PHLPP1: variants seen among roughly 807,000 people sequenced by gnomAD.
PHLPP1 encodes the protein PH domain and leucine rich repeat protein phosphatase 1.
Under a neutral mutation model 117.2 loss-of-function variants are expected in PHLPP1, and 42 were observed. The ratio of observed to expected loss-of-function variants is 0.36; its 90% CI spans 0.28 to 0.46. The LOEUF is 0.46. Among genes scored for constraint, PHLPP1 ranks in the 20% least tolerant of loss-of-function variants. PHLPP1 has a pLI of 1.00. For synonymous variants in PHLPP1, 1,042 were observed against 970.7 expected, an observed-to-expected ratio of 1.07 and a Z score of -1.37; for missense variants, 2,084 against 2,241.9, an observed-to-expected ratio of 0.93 and a Z score of 1.42.
chr18:62,736,986 T>G (rs539813357), intron 1 of PHLPP1, among the ~76,000 whole-genome samples: 57 of 152,330 alleles, frequency 3.7e-4, no homozygotes, highest in African/African-American at 1.4e-3. Context: ...ATGAAGCTCT[T>G]AGGATGTATG....
chr18:62,776,663 G>A (rs1446807587), intron 1 of PHLPP1, among the ~76,000 whole-genome samples: 1 of 149,166 alleles, frequency 6.7e-6, no homozygotes, highest in East Asian at 2.0e-4. Flanking sequence ...AGGCTGAAGT[G>A]CAGTGGTGTG....
Position 62,848,132 on chromosome 18 carries a change from A to T in PHLPP1, c.1899+9223A>T, listed in dbSNP as rs117050210. On this transcript the variant is annotated intron_variant, in intron 3 of 16. Transcript: ENST00000262719. ...ATTTGTTGACATCCTTGCAGATCTC[A>T]TCTGATCAGCACAGAGTATGTGACC... Among the ~76,000 whole-genome samples, 1,430 of 152,252 alleles carry T rather than the reference A, an allele frequency of 9.4e-3. 17 individuals carry two copies. The highest frequency in any genetic ancestry group is 0.013 in the Non-Finnish European group (915 of 68,014).
chr18:62,789,513 C>T (rs1913395368), intron 1 of PHLPP1, among the ~76,000 whole-genome samples: 1 of 152,036 alleles, frequency 6.6e-6, no homozygotes, highest in Non-Finnish European at 1.5e-5. Flanking sequence ...ATATTGTTTG[C>T]AGAGGTGAAA....
intron 1 of PHLPP1, among the ~76,000 whole-genome samples, chr18:62,828,678 G>A (rs1914675183): frequency 1.3e-5 from 2 of 152,142 alleles, no homozygotes; most frequent in Admixed American, 6.6e-5. Flanking sequence ...TTTTAGAGCT[G>A]TTGTTCTTCC....
chr18:62,935,533 A>G (rs73963629), intron 10 of PHLPP1, among the ~76,000 whole-genome samples: 5,412 of 152,294 alleles, frequency 0.036, 334 homozygotes, highest in African/African-American at 0.12. Flanking sequence ...TACTGTTCAT[A>G]TGGTTAAAAG....
At chr18:62,879,600 AG>A (rs1473186422) in intron 4 of PHLPP1, among the ~76,000 whole-genome samples, 1 of 152,164 alleles carries the variant, frequency 6.6e-6, no homozygotes, top group Non-Finnish European at 1.5e-5. Flanking sequence ...TTTAGTAGAC[AG>A]GGTTCACCGT....
intron 4 of PHLPP1, among the ~76,000 whole-genome samples, chr18:62,864,744 C>A (rs991567280): frequency 1.3e-5 from 2 of 152,190 alleles, no homozygotes; most frequent in African/African-American, 4.8e-5. Flanking sequence ...AGTACCTGCC[C>A]AGAATTAGAA....
intron 9 of PHLPP1, among the ~76,000 whole-genome samples, chr18:62,917,396 TTGTGTGTGTG>T (rs34407573): frequency 4.5e-4 from 64 of 141,492 alleles, no homozygotes; most frequent in Admixed American, 1.3e-3. Context: ...ACAGTATTCT[TTGTGTGTGTG>T]TGTGTGTGTG....
chr18:62,824,740 G>A (rs1050179982), intron 1 of PHLPP1, among the ~76,000 whole-genome samples: 8 of 151,998 alleles, frequency 5.3e-5, no homozygotes, highest in African/African-American at 1.9e-4. Context: ...TCACAAAACA[G>A]TGACTTTTTG....
In PHLPP1 at chr18:62,830,200, A is replaced by G. The variant is rs767958298; in HGVS notation, c.1742A>G (p.Lys581Arg). 4.5e-6 allele frequency: 7 copies of G among 1,569,088 alleles called. No homozygotes were observed. The highest frequency in any genetic ancestry group is 1.2e-5 in the South Asian group (1 of 85,678). The change falls in exon 2 of 17, where the codon AAG becomes AGG. Residue 581 changes from lysine (K) to arginine (R), a missense_variant. By Grantham distance (26) the Lys-to-Arg change is conservative (BLOSUM62 2). Transcript: ENST00000262719. ...TCTGTGAAAGACAGCTTGACCGGAA[A>G]GATGCATGTTCTGCCACTAATTGGT... ...VSSVKDSLTG[K>R]MHVLPLIGGK...
At chr18:62,902,684 A>G (rs987457022) in intron 6 of PHLPP1, among the ~76,000 whole-genome samples, 2 of 152,168 alleles carry the variant, frequency 1.3e-5, no homozygotes, top group Admixed American at 6.5e-5. Flanking sequence ...TTCCCTCTTG[A>G]AGTGAATTAA....
chr18:62,861,181 C>T (rs1478099462), intron 4 of PHLPP1, among the ~76,000 whole-genome samples: 1 of 152,096 alleles, frequency 6.6e-6, no homozygotes, highest in African/African-American at 2.4e-5. Flanking sequence ...ATGATCTCGG[C>T]TCACTGCAAC....
intron 4 of PHLPP1, among the ~76,000 whole-genome samples, chr18:62,876,222 TA>T (rs568347726): frequency 2.0e-5 from 3 of 151,656 alleles, no homozygotes; most frequent in South Asian, 2.1e-4. Flanking sequence ...ACTGGACTTC[TA>T]AAAAAAAATC....
chr18:62,739,342 A>G (rs1911456308), intron 1 of PHLPP1, among the ~76,000 whole-genome samples: 1 of 152,234 alleles, frequency 6.6e-6, no homozygotes, highest in Non-Finnish European at 1.5e-5. Context: ...GTTAGCTGGC[A>G]AAGCTAATTT....
At chr18:62,749,699 T>G (rs908480691) in intron 1 of PHLPP1, among the ~76,000 whole-genome samples, 4 of 152,188 alleles carry the variant, frequency 2.6e-5, no homozygotes, top group Non-Finnish European at 5.9e-5. Flanking sequence ...TGGTGTCTCT[T>G]GTGTGTCCAG....
chr18:62,728,834 A>C (rs1276537462), intron 1 of PHLPP1, among the ~76,000 whole-genome samples: 1 of 152,018 alleles, frequency 6.6e-6, no homozygotes, highest in African/African-American at 2.4e-5. Context: ...TTAAAAAAGG[A>C]AGGCTAACAT....
At chr18:62,777,579 A>G (rs1912998499) in intron 1 of PHLPP1, among the ~76,000 whole-genome samples, 1 of 151,726 alleles carries the variant, frequency 6.6e-6, no homozygotes, top group African/African-American at 2.4e-5. Flanking sequence ...ATTTTTTTAA[A>G]GCCTAATTTG....
At chr18:62,764,163 C>CAAAAAA (rs34939800) in intron 1 of PHLPP1, among the ~76,000 whole-genome samples, 8 of 79,120 alleles carry the variant, frequency 1.0e-4, no homozygotes, top group Non-Finnish European at 2.0e-4. Flanking sequence ...AACTCCATCT[C>CAAAAAA]AAAAAAAAAA....
chr18:62,801,030 TCCCTCCCTCCC>T (rs1913764537), intron 1 of PHLPP1, among the ~76,000 whole-genome samples: 6 of 15,188 alleles, frequency 4.0e-4, no homozygotes, highest in Non-Finnish European at 7.7e-4. Flanking sequence ...CCTCCCTCCC[TCCCTCCCTCCC>T]TCCCTCCCTC....
Sources: gnomAD v4.1 joint callset for allele counts (sites outside exome capture counted in the v4.1 genomes callset) on GRCh38, gnomAD v4.1.1 for gene constraint, MANE v1.5 for transcripts, NCBI Gene and HGNC (gene_info 2026-07-23, HGNC 2026-07-21) for gene names.